The following GJA3 variants were observed in gnomAD, a reference collection of about 807,000 sequenced individuals.
GJA3 encodes gap junction protein alpha 3, also known as gap junction alpha-3 protein.
For synonymous variants in GJA3, 297 were observed against 292.6 expected (o/e 1.02, Z -0.15); for missense variants, 571 against 620.3 (o/e 0.92, Z 0.84).
Position 20,146,414 on chromosome 13 carries a change from A to G in GJA3, c.-17-3109T>C, listed in dbSNP as rs142805067. 3.0e-3 allele frequency among the ~76,000 whole-genome samples: 454 copies of G among 152,384 alleles called. 10 individuals are homozygous for G. In the South Asian group the frequency reaches 0.05, roughly 17 times the overall value. On this transcript the variant is annotated intron_variant, in intron 1 of 1. Coordinates refer to ENST00000241125, the MANE Select transcript of GJA3 (RefSeq NM_021954.4). ...TAACTACTTATTCAACTGGTAAACCAGATGATAGGATGGGGAAGCTGACCA... is the reference window on the plus strand; with the variant it reads ...TAACTACTTATTCAACTGGTAAACCGGATGATAGGATGGGGAAGCTGACCA...
At chr13:20,154,661 G>A (rs899800786) in intron 1 of GJA3, among the ~76,000 whole-genome samples, 6 of 152,116 alleles carry the variant, frequency 3.9e-5, no homozygotes, top group African/African-American at 9.7e-5. Context: ...TTATCATTGA[G>A]CACGATGTTT....
intron 1 of GJA3, among the ~76,000 whole-genome samples, chr13:20,155,764 T>C (rs1326854333): frequency 6.6e-6 from 1 of 151,956 alleles, no homozygotes; most frequent in Non-Finnish European, 1.5e-5. Context: ...ATCTTTTCAA[T>C]AGATAATGAA....
intron 1 of GJA3, among the ~76,000 whole-genome samples, chr13:20,152,914 C>T (rs1958887064): frequency 1.3e-5 from 2 of 152,070 alleles, no homozygotes; most frequent in South Asian, 2.1e-4. Flanking sequence ...TTTTTGCATT[C>T]CTGGTTTAAG....
chr13:20,150,264 T>G (rs1958868769), intron 1 of GJA3, among the ~76,000 whole-genome samples: 1 of 151,986 alleles, frequency 6.6e-6, no homozygotes, highest in South Asian at 2.1e-4. Context: ...GCTGGCGGCA[T>G]GGGGCTGGAG....
At chr13:20,148,791 C>T (rs1431395490) in intron 1 of GJA3, among the ~76,000 whole-genome samples, 2 of 152,216 alleles carry the variant, frequency 1.3e-5, no homozygotes, top group South Asian at 2.1e-4. Context: ...GGGAGGCCCC[C>T]GGTGTGATCG....
chr13:20,148,253 CTTTTTTTTTTTTT>C lies in GJA3; in HGVS notation c.-17-4961_-17-4949del, dbSNP rs71074204. On this transcript the variant is annotated intron_variant, in intron 1 of 1. Coordinates refer to ENST00000241125, the MANE Select transcript of GJA3 (RefSeq NM_021954.4). The stretch of plus-strand genomic sequence containing the variant: ...GGGGCATTTTACCAATACTATGGTT[CTTTTTTTTTTTTT>C]TTTTTTTTTGAGACAGAGTCTCATT... 1.5e-4 allele frequency among the ~76,000 whole-genome samples: 14 copies of C among 90,730 alleles called. No homozygotes were observed. The South Asian group carries it at 6.2e-3, about 40-fold the overall frequency. The allele number at this position is 90,730 out of a possible 152,430, so 59.5% of individuals were successfully genotyped here. A position where few individuals can be genotyped will look rare whatever the true frequency, so the allele number is the denominator to read the frequency against.
chr13:20,141,998 C>T lies in GJA3; in HGVS notation c.1291G>A (p.Glu431Lys), dbSNP rs1958809811. 17 of 1,550,338 alleles carry T rather than the reference C, an allele frequency of 1.1e-5. No homozygotes were observed. Among genetic ancestry groups the T allele is most frequent in the East Asian group, 2.4e-5 (1 of 40,914 alleles). The change falls in exon 2 of 2, where the codon GAG becomes AAG. Residue 431 changes from glutamate to lysine, a missense_variant. By Grantham distance (56) the Glu-to-Lys change is moderately conservative. Transcript: ENST00000241125. ...CCCGGGCACTAGATGGCCAAGTCCT[C>T]CGGTCTGGCCCGCCCGCTGCTGGCC... ...SRASSGRARP[E>K]DLAI
chr13:20,157,628 T>C (rs984150100), intron 1 of GJA3, among the ~76,000 whole-genome samples: 1 of 152,170 alleles, frequency 6.6e-6, no homozygotes, highest in Non-Finnish European at 1.5e-5. Flanking sequence ...CACCACTTCA[T>C]GGGCGATGCA....
intron 1 of GJA3, among the ~76,000 whole-genome samples, chr13:20,150,746 T>C (rs978492361): frequency 4.6e-5 from 7 of 152,220 alleles, no homozygotes; most frequent in Non-Finnish European, 8.8e-5. Flanking sequence ...GGCACAGCTG[T>C]GACAGCCACT....
At position 20,142,285 on chromosome 13, in the gene GJA3, C is replaced by G. The variant is rs1391791617; in HGVS notation, c.1004G>C (p.Arg335Pro). The G allele has an allele frequency of 3.2e-6, 5 of 1,568,058 alleles. No individual in the cohort carries two copies. The Admixed American group carries it at 9.2e-5, about 29-fold the overall frequency. ...EQNWANQAAE[R>P]QPPALKAYPA... ...GTAAGCCTTGAGCGCCGGGGGCTGC[C>G]GCTCGGCCGCCTGGTTGGCCCAGTT... is the stretch of plus-strand genomic sequence containing the variant. Residue 335 changes from arginine (R) to proline (P), a missense_variant, in exon 2 of 2, where the codon CGG becomes CCG. By Grantham distance (103) the Arg-to-Pro change is moderately radical. Coordinates refer to ENST00000241125, the MANE Select transcript of GJA3 (RefSeq NM_021954.4).
At position 20,158,914 on chromosome 13, in the gene GJA3, A is replaced by AG. The variant is rs1178368976; in HGVS notation, c.-18+1975_-18+1976insC. ...AGCCTGGACAAGAGCAAAACTCTCA[A>AG]AAAAAAAAAAAAAAAAAAAAAAGAA... On this transcript the variant is annotated intron_variant, in intron 1 of 1. Transcript: ENST00000241125. 1.4e-4 allele frequency among the ~76,000 whole-genome samples: 10 copies of AG among 71,152 alleles called. No homozygotes were observed. The East Asian group carries it at 2.2e-3, about 16-fold the overall frequency. 46.7% of individuals were successfully genotyped at this position (71,152 alleles called of 152,430 possible). A position where few individuals can be genotyped will look rare whatever the true frequency, so the allele number is the denominator to read the frequency against.
chr13:20,146,245 G>A (rs957634922), intron 1 of GJA3, among the ~76,000 whole-genome samples: 9 of 152,184 alleles, frequency 5.9e-5, no homozygotes, highest in Non-Finnish European at 7.4e-5. Flanking sequence ...TCTGCTGCCC[G>A]TCACAGACTG....
intron 1 of GJA3, among the ~76,000 whole-genome samples, chr13:20,144,652 C>T (rs780918664): frequency 2.5e-4 from 38 of 152,186 alleles, no homozygotes; most frequent in African/African-American, 3.6e-4. Flanking sequence ...ACAGGGACCA[C>T]GGTCATACAC....
chr13:20,148,548 C>T (rs935319788), intron 1 of GJA3, among the ~76,000 whole-genome samples: 5 of 152,130 alleles, frequency 3.3e-5, no homozygotes, highest in Non-Finnish European at 7.4e-5. Context: ...TGTGAGCCAC[C>T]GCGCCCAGCC....
chr13:20,143,000 G>A lies in GJA3; in HGVS notation c.289C>T (p.Leu97=). 1.2e-6 allele frequency: 2 copies of A among 1,605,430 alleles called. No homozygotes were observed. Among genetic ancestry groups the A allele is most frequent in the Non-Finnish European group, 1.7e-6 (2 of 1,175,790 alleles). ...TPTLIYLGHV[L]HIVRMEEKKK... ...TTCTCTTCCATGCGCACGATGTGCA[G>A]CACGTGGCCCAGGTAGATGAGGGTG... The change falls in exon 2 of 2, where the codon CTG becomes TTG. Residue 97 remains leucine (L), a synonymous_variant. Coordinates refer to ENST00000241125, the MANE Select transcript of GJA3 (RefSeq NM_021954.4).
intron 1 of GJA3, 38 bp from the exon 2 acceptor site, chr13:20,143,343 C>T (rs1244903371): frequency 3.5e-6 from 5 of 1,419,636 alleles, no homozygotes; most frequent in East Asian, 2.3e-5. Flanking sequence ...CGGGCTGCAA[C>T]GGCTGAGTGC....
In GJA3 at chr13:20,141,984, GA is replaced by G; in HGVS notation, c.1304del (p.Ile435ThrfsTer30). On this transcript the variant is annotated frameshift_variant, in exon 2 of 2. Transcript: ENST00000241125. LOFTEE classifies it high-confidence loss of function. The part of the protein sequence containing the change: ...SGRARPEDLA[I>X] ...TCTGGAGGCAGGCACCCGGGCACTA[GA>G]TGGCCAAGTCCTCCGGTCTGGCCCG... 1 of 1,550,262 alleles carries G rather than the reference GA, an allele frequency of 6.5e-7. No homozygotes were observed. Among genetic ancestry groups the G allele is most frequent in the South Asian group, 1.2e-5 (1 of 84,038 alleles).
At chr13:20,158,912 CAAAAA>C (rs1159654355) in intron 1 of GJA3, among the ~76,000 whole-genome samples, 42 of 54,956 alleles carry the variant, frequency 7.6e-4, no homozygotes, top group African/African-American at 3.1e-3. Flanking sequence ...GCAAAACTCT[CAAAAA>C]AAAAAAAAAA....
Position 20,139,028 on chromosome 13 carries a change from T to C in GJA3, c.*2953A>G, listed in dbSNP as rs769331335. 1.3e-5 allele frequency: 2 copies of C among 152,210 alleles called. No individual in the cohort carries two copies. The highest frequency in any genetic ancestry group is 2.9e-5 in the Non-Finnish European group (2 of 68,022). 9.4% of individuals were successfully genotyped at this position (152,210 alleles called of 1,614,324 possible). On this transcript the variant is annotated 3_prime_UTR_variant, in exon 2 of 2. Transcript: ENST00000241125. ...AGAAATCCAGGATAAATGAGAAAGA[T>C]GCTGGCTTGCTATTTTTCTTTTGTA...
Sources: allele counts gnomAD v4.1 joint callset (sites outside exome capture counted in the v4.1 genomes callset), GRCh38; gene constraint gnomAD v4.1.1; transcripts MANE v1.5; gene names NCBI Gene and HGNC (gene_info 2026-07-23, HGNC 2026-07-21).